Variants in WWOX observed in about 807,000 individuals in gnomAD.
The protein encoded by WWOX is WW domain-containing oxidoreductase.
In WWOX, 69 loss-of-function variants were observed where a neutral mutation model predicts 46.2. The ratio of observed to expected loss-of-function variants is 1.49; its 90% CI spans 1.23 to 1.82. WWOX has a LOEUF of 1.82. WWOX is among the 40% of genes most tolerant of loss of function. The probability of loss-of-function intolerance (pLI) is 0.00; values close to 1 mark genes in which losing one functional copy is unlikely to be tolerated. For missense variants in WWOX, 919 were observed against 542.6 expected (o/e 1.69, Z -6.89); for synonymous variants, 359 against 202.6 (o/e 1.77, Z -6.56).
At chr16:79,107,316 G>C (rs1388803762) in intron 8 of WWOX, among the ~76,000 whole-genome samples, 3 of 150,932 alleles carry the variant, frequency 2.0e-5, no homozygotes, top group Non-Finnish European at 4.4e-5. Context: ...TTCAACTCCT[G>C]AGCTCAAGTG....
chr16:78,227,226 T>C (rs959912810), intron 5 of WWOX, among the ~76,000 whole-genome samples: 7 of 152,252 alleles, frequency 4.6e-5, no homozygotes, highest in African/African-American at 1.7e-4. Flanking sequence ...CTCTTGCGAA[T>C]TGTACGCTTT....
chr16:78,366,079 C>T (rs576044879), intron 5 of WWOX, among the ~76,000 whole-genome samples: 1 of 152,274 alleles, frequency 6.6e-6, no homozygotes, highest in Non-Finnish European at 1.5e-5. Context: ...CTGTTCTTAG[C>T]ACCCTAAATG....
At chr16:78,850,532 C>T (rs867256207) in intron 8 of WWOX, among the ~76,000 whole-genome samples, 1 of 152,270 alleles carries the variant, frequency 6.6e-6, no homozygotes. Context: ...AATAATGTTG[C>T]AATGAAACGT....
intron 8 of WWOX, among the ~76,000 whole-genome samples, chr16:78,673,468 C>A (rs918469697): frequency 1.3e-5 from 2 of 152,068 alleles, no homozygotes; most frequent in Non-Finnish European, 2.9e-5. Context: ...AACACGAAAC[C>A]CCTCTAAAAC....
intron 8 of WWOX, among the ~76,000 whole-genome samples, chr16:78,650,432 G>T (rs1574442): frequency 6.6e-6 from 1 of 152,088 alleles, no homozygotes; most frequent in South Asian, 2.1e-4. Flanking sequence ...ATTGGTGTCC[G>T]TGTGCCTTGC....
chr16:78,264,314 C>T lies in WWOX; in HGVS notation c.516+100025C>T, dbSNP rs146017956. Among the ~76,000 whole-genome samples, 110 of 152,180 alleles carry T rather than the reference C, an allele frequency of 7.2e-4. No individual in the cohort carries two copies. The East Asian group carries it at 0.018, about 24-fold the overall frequency. On this transcript the variant is annotated intron_variant, in intron 5 of 8. Coordinates refer to ENST00000566780, the MANE Select transcript of WWOX (RefSeq NM_016373.4). ...TTAAGAGGTTTTATTCTTATACATGCGGAAGAATTATGCCTTCTTGAGCCA... is the reference window on the plus strand; with the variant it reads ...TTAAGAGGTTTTATTCTTATACATGTGGAAGAATTATGCCTTCTTGAGCCA...
At chr16:78,643,897 A>G (rs1007692119) in intron 8 of WWOX, among the ~76,000 whole-genome samples, 3 of 152,010 alleles carry the variant, frequency 2.0e-5, no homozygotes, top group Non-Finnish European at 4.4e-5. Context: ...CTCCCTTGAT[A>G]TCTTGATGAT....
intron 8 of WWOX, among the ~76,000 whole-genome samples, chr16:79,160,198 C>G (rs1187648322): frequency 6.6e-6 from 1 of 152,188 alleles, no homozygotes; most frequent in African/African-American, 2.4e-5. Flanking sequence ...AAGATGGGAG[C>G]TGTCAGTTGT....
chr16:78,521,783 G>GTT (rs71811874), intron 8 of WWOX, among the ~76,000 whole-genome samples: 2 of 147,412 alleles, frequency 1.4e-5, no homozygotes, highest in Non-Finnish European at 3.0e-5. Context: ...CACATAACTT[G>GTT]TTTTTTTTTT....
At position 78,942,136 on chromosome 16, in the gene WWOX, A is replaced by G. The variant is rs568715851; in HGVS notation, c.1057-269472A>G. Among the ~76,000 whole-genome samples the G allele has an allele frequency of 9.9e-5, 15 of 152,232 alleles. No individual in the cohort carries two copies. The East Asian group carries it at 2.7e-3, about 27-fold the overall frequency. ...TAACACGGAAGCGCCCTCCTTTTCTAGTAGCTTGGATGTGATTGGTATGGA... is the reference window on the plus strand; with the variant it reads ...TAACACGGAAGCGCCCTCCTTTTCTGGTAGCTTGGATGTGATTGGTATGGA... On this transcript the variant is annotated intron_variant, in intron 8 of 8. Coordinates refer to ENST00000566780, the MANE Select transcript of WWOX (RefSeq NM_016373.4).
chr16:78,373,627 TAGAACTA>T (rs2081748280), intron 5 of WWOX, among the ~76,000 whole-genome samples: 1 of 147,788 alleles, frequency 6.8e-6, no homozygotes, highest in South Asian at 2.4e-4. Flanking sequence ...TTAAACAGCA[TAGAACTA>T]TTTTTTTTTT....
intron 5 of WWOX, among the ~76,000 whole-genome samples, chr16:78,258,377 G>A (rs1863364199): frequency 6.6e-6 from 1 of 152,132 alleles, no homozygotes; most frequent in South Asian, 2.1e-4. Context: ...ATGCCAACAT[G>A]TTCTTTTTTG....
chr16:78,411,929 C>T (rs1224449858), intron 6 of WWOX, among the ~76,000 whole-genome samples: 1 of 152,194 alleles, frequency 6.6e-6, no homozygotes, highest in South Asian at 2.1e-4. Flanking sequence ...TACTGGAAAT[C>T]TGTTTCCGCC....
chr16:79,019,186 GA>G (rs112613038), intron 8 of WWOX, among the ~76,000 whole-genome samples: 2,088 of 46,824 alleles, frequency 0.045, 324 homozygotes, highest in African/African-American at 0.16. Context: ...AAAAAAAAAA[GA>G]AAAAAAAAAG....
At chr16:78,933,443 A>G (rs2045667245) in intron 8 of WWOX, among the ~76,000 whole-genome samples, 1 of 150,942 alleles carries the variant, frequency 6.6e-6, no homozygotes, top group East Asian at 2.0e-4. Flanking sequence ...CGTCTCAAGA[A>G]ACAAACAAAC....
chr16:78,673,969 A>G (rs996806227), intron 8 of WWOX, among the ~76,000 whole-genome samples: 1 of 152,148 alleles, frequency 6.6e-6, no homozygotes, highest in African/African-American at 2.4e-5. Flanking sequence ...AGAAACATGG[A>G]AAGTACTAGC....
At chr16:78,952,535 A>G (rs2046082935) in intron 8 of WWOX, among the ~76,000 whole-genome samples, 1 of 151,994 alleles carries the variant, frequency 6.6e-6, no homozygotes, top group Non-Finnish European at 1.5e-5. Flanking sequence ...GGCATGTACC[A>G]GCACACCTGG....
intron 5 of WWOX, among the ~76,000 whole-genome samples, chr16:78,260,036 T>G (rs2038237086): frequency 6.6e-6 from 1 of 151,318 alleles, no homozygotes; most frequent in South Asian, 2.1e-4. Context: ...GGGTGAGACC[T>G]CCCAGCAGGC....
chr16:78,872,458 C>A lies in WWOX; in HGVS notation c.1057-339150C>A, dbSNP rs189432639. Among the ~76,000 whole-genome samples the A allele has an allele frequency of 1.6e-4, 25 of 152,256 alleles. 1 individual carries two copies. Among genetic ancestry groups the A allele is most frequent in the Non-Finnish European group, 3.7e-4 (25 of 68,028 alleles). The stretch of plus-strand genomic sequence containing the variant: ...AGAAATGCCAGGCTGAGAGATGAGA[C>A]AGTGAATTACAGTGGGGGATAAAGG... On this transcript the variant is annotated intron_variant, in intron 8 of 8. Coordinates refer to ENST00000566780, the MANE Select transcript of WWOX (RefSeq NM_016373.4).
Sources: gnomAD v4.1 joint callset for allele counts (sites outside exome capture counted in the v4.1 genomes callset) on GRCh38, gnomAD v4.1.1 for gene constraint, MANE v1.5 for transcripts, NCBI Gene and HGNC (gene_info 2026-07-23, HGNC 2026-07-21) for gene names.